The following SDK1 variants were observed in gnomAD, a reference collection of about 807,000 sequenced individuals.
SDK1 encodes sidekick cell adhesion molecule 1, also known as protein sidekick-1.
Under a neutral mutation model 245.5 loss-of-function variants are expected in SDK1, and 157 were observed. The ratio of observed to expected loss-of-function variants is 0.64; its 90% CI spans 0.56 to 0.73. SDK1 has a LOEUF of 0.73. SDK1 is among the 30% of genes least tolerant of loss of function. The pLI, the probability that SDK1 is intolerant of heterozygous loss-of-function variation, is 0.00. For synonymous variants in SDK1, 1,647 were observed against 1,278.5 expected (o/e 1.29, Z -6.15); for missense variants, 3,583 against 3,002.3 (o/e 1.19, Z -4.52).
chr7:3,891,002 C>G (rs1349961524), intron 5 of SDK1, among the ~76,000 whole-genome samples: 1 of 152,206 alleles, frequency 6.6e-6, no homozygotes, highest in Non-Finnish European at 1.5e-5. Flanking sequence ...CCAGGCCAGC[C>G]TAACCTTAGC....
rs377421402 is a variant in SDK1 at position 4,132,347 on chromosome 7, C to T, written c.4152C>T (p.Leu1384=). 3.0e-4 allele frequency: 485 copies of T among 1,612,342 alleles called. No individual in the cohort carries two copies. Among genetic ancestry groups the T allele is most frequent in the African/African-American group, 5.1e-4 (38 of 75,036 alleles). ...CAGCCCCAGGCCCACCAGTGAGGCT[C>T]GTGTTCCCCGAAGTGAGACTCACCT... is the stretch of plus-strand genomic sequence containing the variant. The part of the protein sequence containing the change: ...KDDAPGPPVR[L]VFPEVRLTSV... Residue 1384 remains leucine, a synonymous_variant, in exon 28 of 45, where the codon CTC becomes CTT. Coordinates refer to ENST00000404826, the MANE Select transcript of SDK1 (RefSeq NM_152744.4).
chr7:3,302,249 G>A (rs1027296350), intron 1 of SDK1: 1 of 152,400 alleles, frequency 6.6e-6, no homozygotes, highest in Admixed American at 6.5e-5. Flanking sequence ...GCACCGCAGG[G>A]TCTGGTTTCC....
At chr7:3,678,031 G>C (rs1783964539) in intron 4 of SDK1, among the ~76,000 whole-genome samples, 2 of 152,192 alleles carry the variant, frequency 1.3e-5, no homozygotes, top group Admixed American at 1.3e-4. Flanking sequence ...TTAGTCATTA[G>C]TGGTCAAACC....
chr7:3,689,268 C>T (rs538428198), intron 4 of SDK1, among the ~76,000 whole-genome samples: 4 of 152,308 alleles, frequency 2.6e-5, no homozygotes, highest in African/African-American at 7.2e-5. Context: ...TGATGATTCA[C>T]CTCTCCCACA....
At chr7:3,446,892 C>T (rs1435509803) in intron 1 of SDK1, among the ~76,000 whole-genome samples, 1 of 151,850 alleles carries the variant, frequency 6.6e-6, no homozygotes, top group African/African-American at 2.4e-5. Flanking sequence ...TCAGTTGTTG[C>T]CTGGTTCATC....
intron 1 of SDK1, among the ~76,000 whole-genome samples, chr7:3,478,258 T>C (rs1209122512): frequency 1.3e-5 from 2 of 152,152 alleles, no homozygotes; most frequent in African/African-American, 2.4e-5. Flanking sequence ...AAATAACTTC[T>C]TGGAGTTTTG....
intron 35 of SDK1, among the ~76,000 whole-genome samples, chr7:4,180,807 A>G (rs1782562398): frequency 6.6e-6 from 1 of 152,100 alleles, no homozygotes; most frequent in African/African-American, 2.4e-5. Flanking sequence ...CACACATTTA[A>G]TGACCAGATC....
intron 4 of SDK1, among the ~76,000 whole-genome samples, chr7:3,688,310 C>T (rs765368654): frequency 2.0e-5 from 3 of 152,182 alleles, no homozygotes; most frequent in African/African-American, 4.8e-5. Flanking sequence ...AGAGACCAGG[C>T]CCTGAAATCA....
At chr7:4,114,981 G>A (rs1157308133) in intron 25 of SDK1, among the ~76,000 whole-genome samples, 2 of 152,220 alleles carry the variant, frequency 1.3e-5, no homozygotes, top group East Asian at 1.9e-4. Context: ...CCAACCTTGA[G>A]CAGACCTCTG....
At position 4,256,199 on chromosome 7, in the gene SDK1, C is replaced by T. The variant is rs184724241; in HGVS notation, c.6382-8925C>T. On this transcript the variant is annotated intron_variant, in intron 44 of 44. Transcript: ENST00000404826. ...CCTGTCAGAAGGCTGGGATTACAGGCGTGAGCCACTGCACCCAGCCTTCAG... is the reference window on the plus strand; with the variant it reads ...CCTGTCAGAAGGCTGGGATTACAGGTGTGAGCCACTGCACCCAGCCTTCAG... Among the ~76,000 whole-genome samples, 11 of 152,314 alleles carry T rather than the reference C, an allele frequency of 7.2e-5. 1 individual carries two copies. The highest frequency in any genetic ancestry group is 1.3e-4 in the Non-Finnish European group (9 of 68,036).
intron 4 of SDK1, among the ~76,000 whole-genome samples, chr7:3,761,260 C>CTTTT (rs71029692): frequency 6.7e-4 from 63 of 93,706 alleles, no homozygotes; most frequent in African/African-American, 8.1e-4. Flanking sequence ...GCCCCCCCTC[C>CTTTT]TTTTTTTTTT....
chr7:3,823,454 T>G (rs528125369), intron 5 of SDK1, among the ~76,000 whole-genome samples: 98 of 152,282 alleles, frequency 6.4e-4, no homozygotes, highest in African/African-American at 2.3e-3. Flanking sequence ...TATAAAACAG[T>G]CCGTACCTAG....
At chr7:4,203,051 G>A (rs892383591) in intron 35 of SDK1, among the ~76,000 whole-genome samples, 2 of 152,214 alleles carry the variant, frequency 1.3e-5, no homozygotes, top group Non-Finnish European at 2.9e-5. Context: ...GGGAGGTTGG[G>A]CGAGGCGACA....
intron 4 of SDK1, among the ~76,000 whole-genome samples, chr7:3,800,697 T>C (rs189522240): frequency 2.0e-4 from 31 of 152,238 alleles, no homozygotes; most frequent in African/African-American, 5.8e-4. Context: ...TAAAGTCAAG[T>C]ACTGTTTTCT....
intron 4 of SDK1, among the ~76,000 whole-genome samples, chr7:3,748,229 T>G (rs1185065089): frequency 6.6e-6 from 1 of 152,220 alleles, no homozygotes; most frequent in Admixed American, 6.5e-5. Context: ...TAACATACAC[T>G]GAACTCTAAA....
intron 9 of SDK1, among the ~76,000 whole-genome samples, chr7:3,966,995 G>A (rs530234024): frequency 6.6e-6 from 1 of 152,328 alleles, no homozygotes; most frequent in South Asian, 2.1e-4. Flanking sequence ...AAGAACAAAA[G>A]CAGTCTTTTG....
At chr7:3,941,206 C>A (rs1275409046) in intron 5 of SDK1, among the ~76,000 whole-genome samples, 1 of 152,120 alleles carries the variant, frequency 6.6e-6, no homozygotes, top group Non-Finnish European at 1.5e-5. Flanking sequence ...GTCATACTCA[C>A]CCCCGTCTTT....
Position 3,488,904 on chromosome 7 carries a change from C to CGTGTGT in SDK1, c.299-130149_299-130144dup, listed in dbSNP as rs59773114. On this transcript the variant is annotated intron_variant, in intron 1 of 44. Coordinates refer to ENST00000404826, the MANE Select transcript of SDK1 (RefSeq NM_152744.4). ...CTCTCTTTCCCTTCATTCCTCCCTC[C>CGTGTGT]GTGTGTGTGTGTGTGTGTGTGTGTG... 9.8e-3 allele frequency among the ~76,000 whole-genome samples: 1,436 copies of CGTGTGT among 147,204 alleles called. 21 individuals are homozygous for CGTGTGT. The highest frequency in any genetic ancestry group is 0.029 in the African/African-American group (1,157 of 39,816).
chr7:4,200,238 T>G lies in SDK1; in HGVS notation c.5099-5641T>G, dbSNP rs548238080. On this transcript the variant is annotated intron_variant, in intron 35 of 44. Coordinates refer to ENST00000404826, the MANE Select transcript of SDK1 (RefSeq NM_152744.4). ...TCACCTGTACACCCACACCATGAAA[T>G]CCAACATTCATGGCAAGGGCTGCAC... Among the ~76,000 whole-genome samples, 6 of 152,230 alleles carry G rather than the reference T, an allele frequency of 3.9e-5. 1 individual carries two copies. The South Asian group carries it at 1.2e-3, about 32-fold the overall frequency.
Sources: gnomAD v4.1 joint callset for allele counts (sites outside exome capture counted in the v4.1 genomes callset) on GRCh38, gnomAD v4.1.1 for gene constraint, MANE v1.5 for transcripts, NCBI Gene and HGNC (gene_info 2026-07-23, HGNC 2026-07-21) for gene names.